AKAP6: variants seen among roughly 807,000 people sequenced by gnomAD.
AKAP6 encodes A-kinase anchoring protein 6, also known as A-kinase anchor protein 6.
Under a neutral mutation model 188.5 loss-of-function variants are expected in AKAP6, and 58 were observed. The observed-to-expected ratio is 0.31, with a 90% confidence interval of 0.25 to 0.38. The LOEUF (loss-of-function observed/expected upper bound fraction) is 0.38, where lower values mean the gene tolerates loss of function less well. Ranked by LOEUF, AKAP6 falls within the 10% of genes least tolerant of loss-of-function variation. The probability of loss-of-function intolerance (pLI) is 1.00; values close to 1 mark genes in which losing one functional copy is unlikely to be tolerated. For synonymous variants in AKAP6, 989 were observed against 998.6 expected (o/e 0.99, Z 0.18); for missense variants, 2,710 against 2,740.0 (o/e 0.99, Z 0.24).
At chr14:32,487,896 T>G (rs1459597747) in intron 2 of AKAP6, among the ~76,000 whole-genome samples, 3 of 152,218 alleles carry the variant, frequency 2.0e-5, no homozygotes, top group African/African-American at 7.2e-5. Flanking sequence ...GATTGCTGCC[T>G]GCTCCTTCCT....
At chr14:32,542,327 A>G (rs1882992015) in intron 3 of AKAP6, among the ~76,000 whole-genome samples, 1 of 152,224 alleles carries the variant, frequency 6.6e-6, no homozygotes, top group Non-Finnish European at 1.5e-5. Context: ...TCATTCATTC[A>G]TTCAACATAT....
chr14:32,680,794 G>A (rs1889645711), intron 8 of AKAP6, among the ~76,000 whole-genome samples: 1 of 152,026 alleles, frequency 6.6e-6, no homozygotes, highest in Non-Finnish European at 1.5e-5. Context: ...CTGACAAAAA[G>A]GTATGTTATC....
At chr14:32,719,576 T>C (rs2030418102) in intron 9 of AKAP6, among the ~76,000 whole-genome samples, 1 of 152,206 alleles carries the variant, frequency 6.6e-6, no homozygotes, top group South Asian at 2.1e-4. Context: ...AAGAAATATA[T>C]AGTTTCTTCC....
chr14:32,752,495 A>G (rs1269688255), intron 11 of AKAP6, among the ~76,000 whole-genome samples: 2 of 152,218 alleles, frequency 1.3e-5, no homozygotes, highest in Non-Finnish European at 2.9e-5. Flanking sequence ...CAGCTTTATT[A>G]AGGTATAACA....
chr14:32,703,917 G>A (rs1301821469), intron 9 of AKAP6, among the ~76,000 whole-genome samples: 1 of 152,186 alleles, frequency 6.6e-6, no homozygotes, highest in East Asian at 1.9e-4. Context: ...TATGTGCTGA[G>A]TGTTATTTTT....
intron 12 of AKAP6, among the ~76,000 whole-genome samples, chr14:32,795,479 T>G (rs1336884486): frequency 6.6e-6 from 1 of 152,178 alleles, no homozygotes; most frequent in African/African-American, 2.4e-5. Flanking sequence ...GCAAGGTTGG[T>G]TCAACATATG....
rs1010505869 is a variant in AKAP6 at position 32,535,796 on chromosome 14, G to C, written c.567G>C (p.Glu189Asp). The change falls in exon 3 of 14, where the codon GAG (glutamate) becomes GAC (aspartate). Residue 189 changes from glutamate (E) to aspartate (D), a missense_variant. Glu to Asp is a conservative substitution (Grantham distance 45, BLOSUM62 2). Around this residue, in one of 2 missense-constraint regions of AKAP6, gnomAD observed 237 missense variants for 313.9 expected, o/e 0.76. Coordinates refer to ENST00000280979, the MANE Select transcript of AKAP6 (RefSeq NM_004274.5). ...ACATTCTGCAAGCTTTCTCTGAAGAGACAAAAGAGGTGAGTGTTTTCCTTG... is the reference window on the plus strand; with the variant it reads ...ACATTCTGCAAGCTTTCTCTGAAGACACAAAAGAGGTGAGTGTTTTCCTTG... ...QTDILQAFSE[E>D]TKEGRLDSLT... The C allele has an allele frequency of 1.4e-5, 22 of 1,609,798 alleles. No individual in the cohort carries two copies. Among genetic ancestry groups the C allele is most frequent in the Non-Finnish European group, 1.9e-5 (22 of 1,177,054 alleles).
intron 7 of AKAP6, among the ~76,000 whole-genome samples, chr14:32,651,411 G>A (rs983435204): frequency 6.6e-6 from 1 of 152,092 alleles, no homozygotes; most frequent in Non-Finnish European, 1.5e-5. Context: ...TGCTATGTAG[G>A]GTTGTATTCA....
intron 9 of AKAP6, among the ~76,000 whole-genome samples, chr14:32,729,786 A>C (rs547563581): frequency 4.7e-4 from 71 of 152,256 alleles, no homozygotes; most frequent in African/African-American, 1.6e-3. Flanking sequence ...CACTCAAGAA[A>C]AGCTTTCTGA....
In AKAP6 at chr14:32,546,349, T is replaced by C; in HGVS notation, c.1696T>C (p.Leu566=). The C allele has an allele frequency of 6.2e-7, 1 of 1,614,176 alleles. No individual in the cohort carries two copies. The highest frequency in any genetic ancestry group is 8.5e-7 in the Non-Finnish European group (1 of 1,180,022). ...PCNQRSWNAK[L]QLQSETSSSP... is the part of the protein sequence containing the mutation. The stretch of plus-strand genomic sequence containing the variant: ...TAATCAGAGAAGTTGGAATGCCAAA[T>C]TGCAATTGCAGTCAGAAACATCCAG... Residue 566 remains leucine, a synonymous_variant, in exon 4 of 14, where the codon TTG becomes CTG. Transcript: ENST00000280979.
At chr14:32,594,785 G>T (rs958856609) in intron 5 of AKAP6, among the ~76,000 whole-genome samples, 2 of 152,116 alleles carry the variant, frequency 1.3e-5, no homozygotes, top group Non-Finnish European at 2.9e-5. Flanking sequence ...CATTTTCTTA[G>T]GGTAGTAAAA....
At chr14:32,780,445 T>C (rs532925909) in intron 12 of AKAP6, among the ~76,000 whole-genome samples, 10 of 152,166 alleles carry the variant, frequency 6.6e-5, no homozygotes, top group Non-Finnish European at 1.3e-4. Context: ...AGAGATCTAA[T>C]GTACAATCTG....
At position 32,837,670 on chromosome 14, in the gene AKAP6, G is replaced by T. The variant is rs963476723; in HGVS notation, c.*7865G>T. The T allele has an allele frequency of 1.3e-5, 2 of 152,166 alleles. No homozygotes were observed. The highest frequency in any genetic ancestry group is 4.8e-5 in the African/African-American group (2 of 41,446). The allele number at this position is 152,166 out of a possible 1,614,324, so 9.4% of individuals were successfully genotyped here. A position where few individuals can be genotyped will look rare whatever the true frequency, so the allele number is the denominator to read the frequency against. ...GTGGAATTTATCTTGTCATTAAAATGATGTGAAAATCAAATCATTCTTCAT... is the reference window on the plus strand; with the variant it reads ...GTGGAATTTATCTTGTCATTAAAATTATGTGAAAATCAAATCATTCTTCAT... On this transcript the variant is annotated 3_prime_UTR_variant, in exon 14 of 14. Transcript: ENST00000280979.
chr14:32,746,384 G>A (rs550163990), intron 11 of AKAP6, among the ~76,000 whole-genome samples: 1 of 152,290 alleles, frequency 6.6e-6, no homozygotes, highest in African/African-American at 2.4e-5. Context: ...GTTAGCAGGT[G>A]ATTAATGCTG....
At chr14:32,564,263 C>T (rs976656482) in intron 4 of AKAP6, among the ~76,000 whole-genome samples, 3 of 152,084 alleles carry the variant, frequency 2.0e-5, no homozygotes, top group African/African-American at 4.8e-5. Flanking sequence ...GTTGAATTTA[C>T]GGATGTAGAA....
chr14:32,633,165 T>A (rs1446260831), intron 7 of AKAP6, among the ~76,000 whole-genome samples: 4 of 152,094 alleles, frequency 2.6e-5, no homozygotes, highest in African/African-American at 9.7e-5. Context: ...CTGTCTTTGA[T>A]TCACATTTCA....
intron 2 of AKAP6, among the ~76,000 whole-genome samples, chr14:32,460,451 G>C (rs1891283871): frequency 6.6e-6 from 1 of 152,178 alleles, no homozygotes; most frequent in South Asian, 2.1e-4. Context: ...AAGCAGGGTG[G>C]GGCGTTGCTT....
chr14:32,782,233 G>A (rs2033276307), intron 12 of AKAP6, among the ~76,000 whole-genome samples: 1 of 151,688 alleles, frequency 6.6e-6, no homozygotes, highest in Admixed American at 6.6e-5. Context: ...AAGAAAGGAA[G>A]AAAGGAAGAA....
chr14:32,373,871 A>G (rs990241908), intron 1 of AKAP6, among the ~76,000 whole-genome samples: 1 of 152,212 alleles, frequency 6.6e-6, no homozygotes, highest in Non-Finnish European at 1.5e-5. Context: ...CTCACACGTA[A>G]AAGTCTTTAT....
Sources: gnomAD v4.1 joint callset for allele counts (sites outside exome capture counted in the v4.1 genomes callset) on GRCh38, gnomAD v4.1.1 for gene constraint, gnomAD v4.1.1 regional missense constraint, MANE v1.5 for transcripts, NCBI Gene and HGNC (gene_info 2026-07-23, HGNC 2026-07-21) for gene names.